Variants in TRERF1 observed in about 807,000 individuals in gnomAD.
TRERF1 encodes the protein transcriptional-regulating factor 1.
Under a neutral mutation model 122.9 loss-of-function variants are expected in TRERF1, and 27 were observed. The ratio of observed to expected loss-of-function variants is 0.22; its 90% CI spans 0.16 to 0.30. The LOEUF (loss-of-function observed/expected upper bound fraction) is 0.30, where lower values mean the gene tolerates loss of function less well. TRERF1 is among the 10% of genes least tolerant of loss of function. TRERF1 has a pLI of 1.00. For synonymous variants in TRERF1, 636 were observed against 641.7 expected, an observed-to-expected ratio of 0.99 and a Z score of 0.13; for missense variants, 1,248 against 1,560.3, an observed-to-expected ratio of 0.80 and a Z score of 3.37.
At chr6:42,271,015 T>C (rs1780121492) in intron 4 of TRERF1, among the ~76,000 whole-genome samples, 1 of 151,620 alleles carries the variant, frequency 6.6e-6, no homozygotes, top group Admixed American at 6.6e-5. Context: ...GATCCGCCTG[T>C]CTCTATCAAA....
intron 2 of TRERF1, among the ~76,000 whole-genome samples, chr6:42,436,814 A>AAAAAAAAT (rs61427173): frequency 4.5e-5 from 3 of 66,682 alleles, no homozygotes; most frequent in African/African-American, 1.1e-4. Flanking sequence ...AAAAAAAAAA[A>AAAAAAAAT]ATATATATAT....
intron 2 of TRERF1, among the ~76,000 whole-genome samples, chr6:42,444,843 C>T (rs1787180712): frequency 6.6e-6 from 1 of 152,180 alleles, no homozygotes; most frequent in Admixed American, 6.5e-5. Context: ...TCAAATTTTG[C>T]CAAAGAGTTG....
chr6:42,365,721 C>T lies in TRERF1; in HGVS notation c.-453-2642G>A, dbSNP rs990484348. On this transcript the variant is annotated intron_variant, in intron 2 of 17. Coordinates refer to ENST00000372922, the Ensembl canonical transcript of TRERF1. ...GATTTGAAACCTTCCACTTCCCTCTCGTCTTTTCTACATACACTACCACCA... is the reference window on the plus strand; with the variant it reads ...GATTTGAAACCTTCCACTTCCCTCTTGTCTTTTCTACATACACTACCACCA... 3.3e-5 allele frequency among the ~76,000 whole-genome samples: 5 copies of T among 152,170 alleles called. No individual in the cohort carries two copies. The South Asian group carries it at 6.2e-4, about 19-fold the overall frequency.
intron 4 of TRERF1, among the ~76,000 whole-genome samples, chr6:42,283,673 A>G (rs1782702601): frequency 7.6e-6 from 1 of 130,758 alleles, no homozygotes; most frequent in African/African-American, 3.0e-5. Flanking sequence ...CTGGAGTGCC[A>G]TGGCACGATC....
At chr6:42,244,426 CG>C (rs1190291342) in intron 14 of TRERF1, among the ~76,000 whole-genome samples, 4 of 152,314 alleles carry the variant, frequency 2.6e-5, no homozygotes, top group Non-Finnish European at 5.9e-5. Flanking sequence ...TCAGGTGATC[CG>C]CCTGCCTTGG....
intron 3 of TRERF1, among the ~76,000 whole-genome samples, chr6:42,309,195 T>C (rs536853052): frequency 3.2e-4 from 49 of 152,348 alleles, no homozygotes; most frequent in African/African-American, 1.2e-3. Flanking sequence ...GCCTTTACTT[T>C]GGATGAATCC....
chr6:42,395,579 G>C (rs1778451118), intron 2 of TRERF1, among the ~76,000 whole-genome samples: 1 of 151,990 alleles, frequency 6.6e-6, no homozygotes. Flanking sequence ...AGTGTGACTG[G>C]GTCAGAGAAG....
At chr6:42,340,438 AACGTCT>A (rs1486725206) in intron 3 of TRERF1, among the ~76,000 whole-genome samples, 3 of 152,126 alleles carry the variant, frequency 2.0e-5, no homozygotes, top group Admixed American at 1.3e-4. Context: ...TGCCATGTTC[AACGTCT>A]ACTTATCAGC....
intron 2 of TRERF1, among the ~76,000 whole-genome samples, chr6:42,417,197 T>C (rs1164180759): frequency 6.6e-6 from 1 of 152,098 alleles, no homozygotes; most frequent in Non-Finnish European, 1.5e-5. Flanking sequence ...TCCAATGCCA[T>C]CAGGGAAGGA....
intron 2 of TRERF1, among the ~76,000 whole-genome samples, chr6:42,390,467 C>T (rs1266752616): frequency 1.3e-5 from 2 of 152,190 alleles, no homozygotes; most frequent in South Asian, 2.1e-4. Context: ...AGGTCAACAG[C>T]GTTCTGAGTA....
intron 2 of TRERF1, among the ~76,000 whole-genome samples, chr6:42,378,943 C>T (rs1228589704): frequency 2.6e-5 from 4 of 152,034 alleles, no homozygotes; most frequent in African/African-American, 4.8e-5. Context: ...TAGTAAGACA[C>T]TGTCTCTACT....
chr6:42,366,458 T>C (rs1772744552), intron 2 of TRERF1, among the ~76,000 whole-genome samples: 1 of 152,010 alleles, frequency 6.6e-6, no homozygotes, highest in African/African-American at 2.4e-5. Flanking sequence ...GGCACCAGAG[T>C]CCGGCACCTC....
At chr6:42,369,983 A>G (rs1356616167) in intron 2 of TRERF1, among the ~76,000 whole-genome samples, 1 of 152,186 alleles carries the variant, frequency 6.6e-6, no homozygotes, top group Non-Finnish European at 1.5e-5. Flanking sequence ...CCTCCACATG[A>G]AAACATCTGT....
At chr6:42,234,649 G>T (rs7739515) in intron 16 of TRERF1, among the ~76,000 whole-genome samples, 4,958 of 152,134 alleles carry the variant, frequency 0.033, 292 homozygotes, top group African/African-American at 0.11. Context: ...CCAAGCTCTG[G>T]TTATTTTCTT....
intron 3 of TRERF1, among the ~76,000 whole-genome samples, chr6:42,315,583 G>C (rs1273659634): frequency 6.6e-6 from 1 of 152,096 alleles, no homozygotes; most frequent in African/African-American, 2.4e-5. Flanking sequence ...AGCTAAGAGG[G>C]AGCTCCTGGA....
At position 42,268,195 on chromosome 6, in the gene TRERF1, G is replaced by T; in HGVS notation, c.1396C>A (p.Pro466Thr). The change falls in exon 5 of 18, where the codon CCT (proline) becomes ACT (threonine). Residue 466 changes from proline (P) to threonine (T), a missense_variant. Coordinates refer to ENST00000372922, the Ensembl canonical transcript of TRERF1. This position sits in a 1 kb window ranked among gnomAD's most constrained non-coding sequence, Gnocchi z 4.4. ...CTGGGAGACAGCTGCTGATGCTGAG[G>T]CCCCATGTTGTTGAGGTGGATCCCA... 1 of 1,470,850 alleles carries T rather than the reference G, an allele frequency of 6.8e-7. No individual in the cohort carries two copies. The highest frequency in any genetic ancestry group is 1.6e-5 in the South Asian group (1 of 63,286). The allele number at this position is 1,470,850 out of a possible 1,614,324, so 91.1% of individuals were successfully genotyped here.
Position 42,259,365 on chromosome 6 carries a change from G to A in TRERF1, c.2243C>T (p.Thr748Ile). ...GGAGCGACACAGCAGCACCCGTGGT[G>A]TGGGCGTCAGGGGCGTCAGGGGCAG... The change falls in exon 9 of 18, where the codon ACA becomes ATA. Residue 748 changes from threonine to isoleucine, a missense_variant. By Grantham distance (89) the Thr-to-Ile change is moderately conservative (BLOSUM62 -1). Coordinates refer to ENST00000372922, the Ensembl canonical transcript of TRERF1. This position sits in a 1 kb window ranked among gnomAD's most constrained non-coding sequence, Gnocchi z 4.9. 1 of 1,515,378 alleles carries A rather than the reference G, an allele frequency of 6.6e-7. No individual in the cohort carries two copies. Among genetic ancestry groups the A allele is most frequent in the Non-Finnish European group, 8.8e-7 (1 of 1,142,580 alleles). 93.9% of individuals were successfully genotyped at this position (1,515,378 alleles called of 1,614,324 possible).
chr6:42,363,876 C>A (rs1289796031), intron 2 of TRERF1, among the ~76,000 whole-genome samples: 3 of 152,180 alleles, frequency 2.0e-5, no homozygotes, highest in Non-Finnish European at 2.9e-5. Flanking sequence ...CTTGGACTTG[C>A]AGCCTCCAGA....
chr6:42,414,357 G>C (rs1781536883), intron 2 of TRERF1, among the ~76,000 whole-genome samples: 1 of 152,144 alleles, frequency 6.6e-6, no homozygotes. Context: ...TCTGTTACAA[G>C]CCTGGTTCAC....
Sources: gnomAD v4.1 joint callset for allele counts (sites outside exome capture counted in the v4.1 genomes callset) on GRCh38, gnomAD v4.1.1 for gene constraint, Gnocchi (gnomAD v3.1) non-coding constraint, MANE v1.5 for transcripts, NCBI Gene and HGNC (gene_info 2026-07-23, HGNC 2026-07-21) for gene names.